FRY: variants seen among roughly 807,000 people sequenced by gnomAD.
FRY encodes the protein protein furry homolog.
In FRY, 128 loss-of-function variants were observed where a neutral mutation model predicts 348.4. The observed-to-expected ratio is 0.37, with a 90% CI of 0.32 to 0.43. FRY has a LOEUF of 0.43. FRY is among the 20% of genes least tolerant of loss of function. The pLI is 1.00. For missense variants in FRY, 2,736 were observed against 3,695.2 expected (o/e 0.74, Z 6.73); for synonymous variants, 1,370 against 1,374.7 (o/e 1.00, Z 0.08).
intron 1 of FRY, among the ~76,000 whole-genome samples, chr13:32,038,790 T>C (rs937743264): frequency 4.6e-5 from 7 of 152,188 alleles, no homozygotes. Context: ...ACCTAAGCAT[T>C]AATTTTTCTT....
At chr13:32,225,371 G>T (rs1234734696) in intron 38 of FRY, among the ~76,000 whole-genome samples, 1 of 152,200 alleles carries the variant, frequency 6.6e-6, no homozygotes, top group Non-Finnish European at 1.5e-5. Context: ...AAAAAGAAAG[G>T]ATATAGGACG....
chr13:32,205,040 T>C (rs143755795), intron 31 of FRY, among the ~76,000 whole-genome samples: 1 of 152,062 alleles, frequency 6.6e-6, no homozygotes, highest in African/African-American at 2.4e-5. Context: ...CTGTCTCTAC[T>C]AAAAATACAA....
intron 11 of FRY, among the ~76,000 whole-genome samples, chr13:32,142,646 C>T (rs1031823187): frequency 6.6e-6 from 1 of 152,144 alleles, no homozygotes; most frequent in African/African-American, 2.4e-5. Flanking sequence ...TTATTACTGT[C>T]ATTATAATAT....
At chr13:32,274,703 C>CAAAAAA in intron 55 of FRY, 139 bp from the exon 56 acceptor site, 2 of 305,432 alleles carry the variant, frequency 6.5e-6, no homozygotes, top group African/African-American at 4.7e-5. Flanking sequence ...GATTCTGTCT[C>CAAAAAA]AAAAAAAAAA....
intron 11 of FRY, among the ~76,000 whole-genome samples, chr13:32,139,333 T>C (rs7993765): frequency 0.77 from 117,398 of 152,112 alleles, 45,846 homozygotes; most frequent in East Asian, 0.9. Flanking sequence ...GACGCACCTT[T>C]CTGCACCCTT....
At chr13:32,113,363 G>A (rs966608945) in intron 3 of FRY, among the ~76,000 whole-genome samples, 8 of 152,196 alleles carry the variant, frequency 5.3e-5, no homozygotes, top group Non-Finnish European at 1.2e-4. Context: ...TATATGTAAA[G>A]TTTCCTTCTT....
At chr13:32,122,300 G>A (rs1322995324) in intron 4 of FRY, among the ~76,000 whole-genome samples, 1 of 151,894 alleles carries the variant, frequency 6.6e-6, no homozygotes, top group African/African-American at 2.4e-5. Flanking sequence ...AAAATTAGCT[G>A]GGCATGGTGG....
rs1246657841 is a variant in FRY at position 32,282,721 on chromosome 13, A to G, written c.8469+4173A>G. On this transcript the variant is annotated intron_variant, in intron 58 of 60. Coordinates refer to ENST00000542859, the MANE Select transcript of FRY (RefSeq NM_023037.3). ...CTAGTTTTTCTTCTATTCTTAACAT[A>G]AAGTTGTAGACCTAAGTATAACAAA... 2.6e-5 allele frequency among the ~76,000 whole-genome samples: 4 copies of G among 152,260 alleles called. No individual in the cohort carries two copies. The South Asian group carries it at 6.2e-4, about 24-fold the overall frequency.
intron 1 of FRY, among the ~76,000 whole-genome samples, chr13:32,036,961 A>G (rs1251231903): frequency 6.6e-6 from 1 of 151,652 alleles, no homozygotes; most frequent in Non-Finnish European, 1.5e-5. Context: ...GCCAGTTCTT[A>G]GCCTTCTTCA....
intron 14 of FRY, among the ~76,000 whole-genome samples, chr13:32,151,462 C>A (rs1304456077): frequency 6.6e-6 from 1 of 152,248 alleles, no homozygotes; most frequent in African/African-American, 2.4e-5. Flanking sequence ...ACAGCATAGT[C>A]TGCGAAGCAG....
At chr13:32,132,012 A>G (rs1172787260) in intron 8 of FRY, among the ~76,000 whole-genome samples, 172 bp downstream of exon 8, 1 of 152,122 alleles carries the variant, frequency 6.6e-6, no homozygotes, top group Non-Finnish European at 1.5e-5. Flanking sequence ...GCGGGCACAT[A>G]ATTTCATTTC....
intron 53 of FRY, among the ~76,000 whole-genome samples, chr13:32,264,013 A>G (rs1422945307): frequency 6.6e-6 from 1 of 152,234 alleles, no homozygotes; most frequent in African/African-American, 2.4e-5. Context: ...TCTCGAAAAA[A>G]AAAAGTAATA....
At chr13:32,142,619 A>G (rs745479147) in intron 11 of FRY, among the ~76,000 whole-genome samples, 32 of 152,286 alleles carry the variant, frequency 2.1e-4, no homozygotes, top group Middle Eastern at 3.4e-3. Flanking sequence ...CCAAAATTCC[A>G]TACAAGTGCA....
intron 1 of FRY, 80 bp from the exon 2 acceptor site, chr13:32,078,753 GA>G: frequency 9.7e-7 from 1 of 1,029,050 alleles, no homozygotes; most frequent in Non-Finnish European, 1.5e-6. Context: ...TTCATATCCT[GA>G]TATTTATGGT....
intron 2 of FRY, among the ~76,000 whole-genome samples, chr13:32,087,282 A>G (rs1039819610): frequency 6.6e-6 from 1 of 152,252 alleles, no homozygotes; most frequent in Non-Finnish European, 1.5e-5. Context: ...AGCTAATGAC[A>G]GCATTACTGC....
At chr13:32,178,508 A>T in intron 21 of FRY, 72 bp downstream of exon 21, 1 of 1,500,792 alleles carries the variant, frequency 6.7e-7, no homozygotes, top group Non-Finnish European at 9.2e-7. Context: ...ATTTTGTGTA[A>T]GAGATTGGGA....
chr13:32,089,756 G>T (rs1566064548), intron 2 of FRY, among the ~76,000 whole-genome samples: 1 of 147,140 alleles, frequency 6.8e-6, no homozygotes, highest in African/African-American at 2.6e-5. Flanking sequence ...GTGAGACCTT[G>T]TCTCCAAAAA....
intron 1 of FRY, among the ~76,000 whole-genome samples, chr13:32,060,403 A>C (rs1029330925): frequency 6.6e-6 from 1 of 152,164 alleles, no homozygotes; most frequent in African/African-American, 2.4e-5. Context: ...ATAGATTTGA[A>C]TCCAATCACT....
intron 14 of FRY, 62 bp downstream of exon 14, chr13:32,149,896 T>C (rs779477790): frequency 2.9e-6 from 3 of 1,024,030 alleles, no homozygotes; most frequent in Non-Finnish European, 4.7e-6. Flanking sequence ...TACCTTTGCT[T>C]TGCGGCTTTG....
Sources: allele counts gnomAD v4.1 joint callset (sites outside exome capture counted in the v4.1 genomes callset), GRCh38; gene constraint gnomAD v4.1.1; transcripts MANE v1.5; gene names NCBI Gene and HGNC (gene_info 2026-07-23, HGNC 2026-07-21).